Variants in TSNARE1 observed in about 807,000 individuals in gnomAD.
The protein encoded by TSNARE1 is t-SNARE domain-containing protein 1.
Under a neutral mutation model 62.0 loss-of-function variants are expected in TSNARE1, and 49 were observed. The ratio of observed to expected loss-of-function variants is 0.79; its 90% confidence interval spans 0.63 to 1.00. The LOEUF (loss-of-function observed/expected upper bound fraction) is 1.00. Ranked by LOEUF, TSNARE1 falls within the 50% of genes least tolerant of loss-of-function variation. The pLI is 0.00. For synonymous variants in TSNARE1, 328 were observed against 294.4 expected (o/e 1.11, Z -1.17); for missense variants, 755 against 700.1 (o/e 1.08, Z -0.88).
intron 11 of TSNARE1, among the ~76,000 whole-genome samples, chr8:142,280,817 G>C (rs1266363460): frequency 6.6e-6 from 1 of 152,174 alleles, no homozygotes; most frequent in African/African-American, 2.4e-5. Context: ...CAGAGCGATA[G>C]GAGGGGTCCT....
intron 12 of TSNARE1, chr8:142,273,881 G>A (rs1819994689): frequency 1.0e-6 from 1 of 985,328 alleles, no homozygotes; most frequent in Non-Finnish European, 1.2e-6. Flanking sequence ...TCCTGGGGAT[G>A]TGGCTCCTCT....
chr8:142,245,288 A>G (rs1434367402), intron 12 of TSNARE1, among the ~76,000 whole-genome samples: 5 of 152,232 alleles, frequency 3.3e-5, no homozygotes, highest in Admixed American at 1.3e-4. Flanking sequence ...GAGGGGAAGC[A>G]ACTGCGTCCC....
intron 1 of TSNARE1, among the ~76,000 whole-genome samples, chr8:142,355,320 CCT>C (rs1370861051): frequency 6.6e-6 from 1 of 152,244 alleles, no homozygotes; most frequent in Non-Finnish European, 1.5e-5. Context: ...AGCCATGGGG[CCT>C]CTCTGGGCCT....
chr8:142,393,478 C>T (rs751056248), intron 1 of TSNARE1, among the ~76,000 whole-genome samples: 8 of 152,228 alleles, frequency 5.3e-5, no homozygotes, highest in Non-Finnish European at 8.8e-5. Flanking sequence ...AAAGCTACCA[C>T]GGGGAAAACT....
In TSNARE1 at chr8:142,356,208, G is replaced by A. The variant is rs78356193; in HGVS notation, c.-39-1445C>T. Among the ~76,000 whole-genome samples, 1,185 of 152,264 alleles carry A rather than the reference G, an allele frequency of 7.8e-3. 22 individuals are homozygous for A. The highest frequency in any genetic ancestry group is 0.027 in the African/African-American group (1,135 of 41,550). On this transcript the variant is annotated intron_variant, in intron 1 of 13. Coordinates refer to ENST00000524325, the MANE Select transcript of TSNARE1 (RefSeq NM_145003.5). ...AGCTGGACTCACACCTGCTGCTGGCGCAGGCCTTGTTCTGCCCAGGGCGCA... is the reference window on the plus strand; with the variant it reads ...AGCTGGACTCACACCTGCTGCTGGCACAGGCCTTGTTCTGCCCAGGGCGCA...
At chr8:142,325,915 A>AGG (rs1830151706) in intron 6 of TSNARE1, 1 of 164,300 alleles carries the variant, frequency 6.1e-6, no homozygotes, top group African/African-American at 2.6e-5. Context: ...GCACCAGCGA[A>AGG]GGGGAGGGCC....
At chr8:142,223,873 A>C (rs914243829) in intron 13 of TSNARE1, among the ~76,000 whole-genome samples, 7 of 152,196 alleles carry the variant, frequency 4.6e-5, no homozygotes, top group African/African-American at 1.7e-4. Context: ...CGCTTCTACA[A>C]GGTCCCACCA....
intron 12 of TSNARE1, among the ~76,000 whole-genome samples, chr8:142,233,876 G>A (rs561700599): frequency 6.6e-6 from 1 of 152,156 alleles, no homozygotes; most frequent in African/African-American, 2.4e-5. Flanking sequence ...GCTTCCGCCT[G>A]TACAGAACCA....
chr8:142,380,719 C>T (rs1419618929), intron 1 of TSNARE1, among the ~76,000 whole-genome samples: 1 of 152,062 alleles, frequency 6.6e-6, no homozygotes, highest in Non-Finnish European at 1.5e-5. Flanking sequence ...ATACCCGTAA[C>T]GGAAAAAAGA....
rs900784799 is a variant in TSNARE1 at position 142,319,154 on chromosome 8, T to C, written c.894-520A>G. ...TCGGCCACTGCGAGGACCACCTTGC[T>C]CCGCCGCAACCACCCCCAAATACCC... On this transcript the variant is annotated intron_variant, in intron 6 of 13. Transcript: ENST00000524325. The surrounding 1 kb of genome is among the most constrained non-coding windows in gnomAD (Gnocchi z 4.9). Among the ~76,000 whole-genome samples, 1 of 151,238 alleles carries C rather than the reference T, an allele frequency of 6.6e-6. No individual in the cohort carries two copies. Among genetic ancestry groups the C allele is most frequent in the African/African-American group, 2.4e-5 (1 of 41,036 alleles).
In TSNARE1 at chr8:142,223,031, C is replaced by T. The variant is rs201832089; in HGVS notation, c.*11+6442G>A. ...ATTTACTCACTCACTCAGCCACTCACTCATTCACTCACTCACTCATTCACT... is the reference window on the plus strand; with the variant it reads ...ATTTACTCACTCACTCAGCCACTCATTCATTCACTCACTCACTCATTCACT... On this transcript the variant is annotated intron_variant, in intron 13 of 13. Transcript: ENST00000524325. Among the ~76,000 whole-genome samples, 230 of 32,376 alleles carry T rather than the reference C, an allele frequency of 7.1e-3. 9 individuals carry two copies. The highest frequency in any genetic ancestry group is 0.026 in the African/African-American group (142 of 5,516). The allele number at this position is 32,376 out of a possible 152,430, so 21.2% of individuals were successfully genotyped here. A position where few individuals can be genotyped will look rare whatever the true frequency, so the allele number is the denominator to read the frequency against.
chr8:142,382,289 A>G (rs1836823074), intron 1 of TSNARE1, among the ~76,000 whole-genome samples: 1 of 152,176 alleles, frequency 6.6e-6, no homozygotes, highest in African/African-American at 2.4e-5. Context: ...CACCTCGTAG[A>G]CCACGCCCAG....
At chr8:142,251,624 A>G (rs1168284558) in intron 12 of TSNARE1, among the ~76,000 whole-genome samples, 8 of 151,842 alleles carry the variant, frequency 5.3e-5, no homozygotes, top group Admixed American at 5.2e-4. Context: ...CCGGCTTATG[A>G]GAGGAGCCTT....
At chr8:142,276,433 G>A in intron 11 of TSNARE1, 2 of 985,470 alleles carry the variant, frequency 2.0e-6, no homozygotes, top group Non-Finnish European at 2.4e-6. Flanking sequence ...CTGGGCCCGG[G>A]CAATGCCCCG....
At chr8:142,369,707 G>A (rs1835793521) in intron 1 of TSNARE1, among the ~76,000 whole-genome samples, 1 of 152,190 alleles carries the variant, frequency 6.6e-6, no homozygotes, top group Admixed American at 6.5e-5. Context: ...AGCTTCTGGA[G>A]CTCTGCCATA....
At chr8:142,335,307 G>A (rs1320902133) in intron 4 of TSNARE1, among the ~76,000 whole-genome samples, 1 of 151,864 alleles carries the variant, frequency 6.6e-6, no homozygotes, top group Admixed American at 6.6e-5. Context: ...GGTCCTGAAT[G>A]TATTGAAACC....
chr8:142,405,575 C>G (rs1838573057), upstream of TSNARE1: 1 of 152,256 alleles, frequency 6.6e-6, no homozygotes, highest in Non-Finnish European at 1.5e-5. Context: ...GAGGCAGCAC[C>G]CACTAAAGCC....
chr8:142,348,284 T>A (rs1833640227), intron 2 of TSNARE1, among the ~76,000 whole-genome samples: 1 of 152,162 alleles, frequency 6.6e-6, no homozygotes, highest in Non-Finnish European at 1.5e-5. Flanking sequence ...ACGATGTGAT[T>A]TTAATGCCTG....
intron 6 of TSNARE1, 132 bp from the exon 7 acceptor site, chr8:142,318,766 G>A: frequency 4.0e-6 from 3 of 757,762 alleles, no homozygotes; most frequent in Non-Finnish European, 4.5e-6. Context: ...TGGACAGGCG[G>A]AGAGAGGGCC....
Sources: allele counts gnomAD v4.1 joint callset (sites outside exome capture counted in the v4.1 genomes callset), GRCh38; gene constraint gnomAD v4.1.1; non-coding constraint Gnocchi (gnomAD v3.1); transcripts MANE v1.5; gene names NCBI Gene and HGNC (gene_info 2026-07-23, HGNC 2026-07-21).